Variants in SCTR observed in about 807,000 individuals in gnomAD.
SCTR encodes pancreatic secretin receptor.
SCTR carries 56 observed loss-of-function variants against 60.8 expected under a neutral mutation model. The ratio of observed to expected loss-of-function variants is 0.92; its 90% CI spans 0.74 to 1.15. The LOEUF is 1.15. SCTR is among the 50% of genes most tolerant of loss of function. SCTR has a pLI of 0.00. For missense variants in SCTR, 562 were observed against 550.4 expected (o/e 1.02, Z -0.21); for synonymous variants, 202 against 217.0 (o/e 0.93, Z 0.61).
chr2:119,443,554 A>AT (rs962203055), intron 11 of SCTR, among the ~76,000 whole-genome samples: 2 of 151,390 alleles, frequency 1.3e-5, no homozygotes, highest in Non-Finnish European at 2.9e-5. Context: ...GTGAATACAT[A>AT]TTTTTTTTTG....
At chr2:119,500,047 T>C (rs897436674) in intron 1 of SCTR, among the ~76,000 whole-genome samples, 40 of 152,056 alleles carry the variant, frequency 2.6e-4, no homozygotes, top group African/African-American at 2.4e-5. Context: ...AAGGACTAAA[T>C]AGACTTTTCT....
chr2:119,441,464 C>T (rs1471495870), intron 12 of SCTR, 94 bp downstream of exon 12: 1 of 994,568 alleles, frequency 1.0e-6, no homozygotes, highest in East Asian at 2.5e-5. Flanking sequence ...CTTTCCATCC[C>T]CCTTCCTACC....
intron 1 of SCTR, among the ~76,000 whole-genome samples, chr2:119,520,231 T>C (rs1290241401): frequency 1.3e-5 from 2 of 152,210 alleles, no homozygotes; most frequent in South Asian, 2.1e-4. Context: ...CTGGGCATGG[T>C]GGCTCATACC....
At chr2:119,523,731 T>C (rs187858500) in intron 1 of SCTR, among the ~76,000 whole-genome samples, 67 of 151,778 alleles carry the variant, frequency 4.4e-4, no homozygotes, top group African/African-American at 1.5e-3. Context: ...CTCCTCTCCT[T>C]TCCTTTCCTT....
rs1401308990 is a variant in SCTR, at chr2:119,448,732, G to A, written c.970C>T (p.Leu324Phe). Residue 324 changes from leucine to phenylalanine, a missense_variant, in exon 10 of 13, where the codon CTT (leucine) becomes TTT (phenylalanine). Physicochemically the swap from Leu to Phe is conservative, Grantham distance 22. Coordinates refer to ENST00000019103, the MANE Select transcript of SCTR (RefSeq NM_002980.3). ...TTTCCTCTTGTTTCTTGGGTTCTAA[G>A]TTTTCTCATCAGGATTCTTAGAATG... The part of the protein sequence containing the change: ...INILRILMRK[L>F]RTQETRGNEV... The A allele has an allele frequency of 6.2e-7, 1 of 1,604,020 alleles. No homozygotes were observed. Among genetic ancestry groups the A allele is most frequent in the South Asian group, 1.1e-5 (1 of 90,900 alleles).
chr2:119,456,170 T>C (rs13425699), intron 7 of SCTR, among the ~76,000 whole-genome samples: 24,586 of 151,150 alleles, frequency 0.16, 2,142 homozygotes, highest in East Asian at 0.3. Flanking sequence ...AAGTGATTCT[T>C]CTGTCTCAGC....
chr2:119,446,396 G>A (rs970046097), intron 11 of SCTR, among the ~76,000 whole-genome samples: 4 of 152,120 alleles, frequency 2.6e-5, no homozygotes, highest in African/African-American at 7.2e-5. Flanking sequence ...CCCGCCCCAC[G>A]CTCCCGCGAG....
At chr2:119,494,399 G>A (rs371443296) in intron 2 of SCTR, 29 bp downstream of exon 2, 84 of 1,609,814 alleles carry the variant, frequency 5.2e-5, no homozygotes, top group Non-Finnish European at 7.0e-5. Context: ...ACCCCCAAGA[G>A]AGGACATGGG....
chr2:119,469,611 C>T (rs1211232862), intron 4 of SCTR, among the ~76,000 whole-genome samples: 1 of 152,146 alleles, frequency 6.6e-6, no homozygotes, highest in Non-Finnish European at 1.5e-5. Context: ...CTGCCTTAAC[C>T]TCCGAGTAGC....
At chr2:119,475,167 G>A (rs144551415) in intron 3 of SCTR, among the ~76,000 whole-genome samples, 15 of 152,350 alleles carry the variant, frequency 9.8e-5, no homozygotes, top group East Asian at 3.9e-4. Flanking sequence ...GAATTTAGGC[G>A]AGGGGTGGGG....
At chr2:119,488,030 C>T (rs769653679) in intron 2 of SCTR, among the ~76,000 whole-genome samples, 12 of 152,172 alleles carry the variant, frequency 7.9e-5, no homozygotes, top group African/African-American at 1.9e-4. Context: ...ACATCACACC[C>T]GCTCCACACT....
At chr2:119,464,280 T>C (rs951039193) in intron 5 of SCTR, 25 bp from the exon 6 acceptor site, 7 of 1,613,716 alleles carry the variant, frequency 4.3e-6, no homozygotes, top group African/African-American at 2.7e-5. Context: ...TGTAGGGACA[T>C]AGAGGCCAGA....
Position 119,465,770 on chromosome 2 carries a change from G to A in SCTR, c.503+19C>T, listed in dbSNP as rs1008770180. ...CCTGAGGAGGGCTGGGGTATGGAGA[G>A]CTGGCAGTGTGTTCTCACCGGAAAG... is the stretch of plus-strand genomic sequence containing the variant. On this transcript the variant is annotated intron_variant, in intron 5 of 12. Coordinates refer to ENST00000019103, the MANE Select transcript of SCTR (RefSeq NM_002980.3). 1.3e-6 allele frequency: 2 copies of A among 1,552,844 alleles called. No homozygotes were observed. The highest frequency in any genetic ancestry group is 1.8e-6 in the Non-Finnish European group (2 of 1,124,264).
chr2:119,518,707 T>G (rs1187600164), intron 1 of SCTR, among the ~76,000 whole-genome samples: 4 of 152,242 alleles, frequency 2.6e-5, no homozygotes, highest in Non-Finnish European at 2.9e-5. Context: ...AGGTCAGTGG[T>G]GAGAACCTAC....
At chr2:119,515,402 G>C (rs1305402011) in intron 1 of SCTR, among the ~76,000 whole-genome samples, 7 of 152,202 alleles carry the variant, frequency 4.6e-5, no homozygotes, top group Admixed American at 1.3e-4. Context: ...TGGATTAAGG[G>C]CTAACTGCAT....
intron 4 of SCTR, among the ~76,000 whole-genome samples, chr2:119,472,439 C>T (rs900584566): frequency 1.3e-5 from 2 of 152,188 alleles, no homozygotes; most frequent in Non-Finnish European, 2.9e-5. Flanking sequence ...AGAGAAAGGG[C>T]CATCCTGGGA....
rs959964439 is a variant in SCTR at position 119,451,920 on chromosome 2, GCCCTGTCCTTCCA to G, written c.921+77_921+89del. ...TTATCCCTCCTGGCACCTGCAGGGA[GCCCTGTCCTTCCA>G]CCCTCTGCCCCTGTGGGCTGGTCAC... On this transcript the variant is annotated intron_variant, in intron 9 of 12. Transcript: ENST00000019103. 4 of 796,128 alleles carry G rather than the reference GCCCTGTCCTTCCA, an allele frequency of 5.0e-6. No homozygotes were observed. In the Admixed American group the frequency reaches 8.1e-5, roughly 16 times the overall value. 49.3% of individuals were successfully genotyped at this position (796,128 alleles called of 1,614,324 possible).
intron 1 of SCTR, among the ~76,000 whole-genome samples, chr2:119,503,997 G>T (rs928137931): frequency 1.3e-5 from 2 of 152,046 alleles, no homozygotes; most frequent in Non-Finnish European, 2.9e-5. Flanking sequence ...GGAAAGAATC[G>T]GTTTACCTGA....
Position 119,464,201 on chromosome 2 carries a change from G to C in SCTR, c.558C>G (p.Ile186Met), listed in dbSNP as rs760058051. ...YIHMHLFVSFILRALSNFIKD... is the reference protein window; with the variant it reads ...YIHMHLFVSFMLRALSNFIKD... ...TGATGAAGTTGGACAGGGCACGAAG[G>C]ATGAAGGACACGAACAGGTGCATGT... The change falls in exon 6 of 13, where the codon ATC becomes ATG. Residue 186 changes from isoleucine to methionine, a missense_variant. Transcript: ENST00000019103. 1 of 1,614,184 alleles carries C rather than the reference G, an allele frequency of 6.2e-7. No individual in the cohort carries two copies. Among genetic ancestry groups the C allele is most frequent in the South Asian group, 1.1e-5 (1 of 91,090 alleles).
Sources: gnomAD v4.1 joint callset for allele counts (sites outside exome capture counted in the v4.1 genomes callset) on GRCh38, gnomAD v4.1.1 for gene constraint, MANE v1.5 for transcripts, NCBI Gene and HGNC (gene_info 2026-07-23, HGNC 2026-07-21) for gene names.